The following MSRA variants were observed in gnomAD, a reference collection of about 807,000 sequenced individuals.
MSRA encodes the protein methionine sulfoxide reductase A.
In MSRA, 54 loss-of-function variants were observed where a neutral mutation model predicts 31.3. The ratio of observed to expected loss-of-function variants is 1.73; its 90% CI spans 1.39 to 2.17. The LOEUF is 2.17. Ranked by LOEUF, MSRA falls within the 30% of genes most tolerant of loss-of-function variation. The probability of loss-of-function intolerance (pLI) is 0.00; values close to 1 mark genes in which losing one functional copy is unlikely to be tolerated. For synonymous variants in MSRA, 169 were observed against 116.5 expected (o/e 1.45, Z -2.90); for missense variants, 507 against 300.9 (o/e 1.69, Z -5.07).
intron 3 of MSRA, among the ~76,000 whole-genome samples, chr8:10,273,132 C>T (rs1799133738): frequency 6.6e-6 from 1 of 152,146 alleles, no homozygotes; most frequent in African/African-American, 2.4e-5. Flanking sequence ...ATAAAATTAG[C>T]ATTCAGTAGG....
intron 3 of MSRA, among the ~76,000 whole-genome samples, chr8:10,260,393 A>T (rs1241553714): frequency 6.6e-6 from 1 of 152,216 alleles, no homozygotes; most frequent in Non-Finnish European, 1.5e-5. Context: ...GGGAAGGAGC[A>T]AAGTTTCCAC....
chr8:10,391,639 A>G (rs944604318), intron 5 of MSRA, among the ~76,000 whole-genome samples: 1 of 152,228 alleles, frequency 6.6e-6, no homozygotes, highest in Non-Finnish European at 1.5e-5. Context: ...TGGGCCACAC[A>G]CTGGCCATCT....
At chr8:10,171,856 T>C (rs1368388592) in intron 1 of MSRA, among the ~76,000 whole-genome samples, 1 of 152,254 alleles carries the variant, frequency 6.6e-6, no homozygotes, top group African/African-American at 2.4e-5. Context: ...ATTTCTGTTG[T>C]TTAGATTTGC....
At chr8:10,424,376 G>C (rs1809001304) in intron 5 of MSRA, among the ~76,000 whole-genome samples, 1 of 147,552 alleles carries the variant, frequency 6.8e-6, no homozygotes, top group African/African-American at 2.5e-5. Context: ...GAGAAGGCCC[G>C]GGGTGGAGTG....
intron 1 of MSRA, among the ~76,000 whole-genome samples, chr8:10,184,168 T>A (rs1585115933): frequency 6.6e-6 from 1 of 151,780 alleles, no homozygotes; most frequent in Non-Finnish European, 1.5e-5. Context: ...GATAGTGGTG[T>A]TATTGTTGAT....
At chr8:10,412,985 C>G (rs1284522451) in intron 5 of MSRA, among the ~76,000 whole-genome samples, 2 of 152,194 alleles carry the variant, frequency 1.3e-5, no homozygotes, top group African/African-American at 2.4e-5. Flanking sequence ...AGATTTTTAC[C>G]TACGAGAAAT....
intron 1 of MSRA, among the ~76,000 whole-genome samples, chr8:10,206,116 G>C (rs756528947): frequency 1.3e-5 from 2 of 152,114 alleles, no homozygotes; most frequent in Non-Finnish European, 2.9e-5. Context: ...TTTCTGACTT[G>C]TGATATGGGT....
At chr8:10,230,224 C>T (rs564966240) in intron 2 of MSRA, among the ~76,000 whole-genome samples, 12 of 152,146 alleles carry the variant, frequency 7.9e-5, no homozygotes, top group Non-Finnish European at 1.0e-4. Context: ...AGACTATGTA[C>T]GTGCCTGAGT....
chr8:10,287,279 A>T (rs898544525), intron 3 of MSRA, among the ~76,000 whole-genome samples: 2 of 152,198 alleles, frequency 1.3e-5, no homozygotes, highest in Non-Finnish European at 2.9e-5. Context: ...CTGGGCCCTG[A>T]ATGACCTGAA....
chr8:10,205,748 G>A (rs960703272), intron 1 of MSRA, among the ~76,000 whole-genome samples: 1 of 152,142 alleles, frequency 6.6e-6, no homozygotes, highest in Non-Finnish European at 1.5e-5. Flanking sequence ...TCATTTTTAT[G>A]TTCTTCTGCC....
chr8:10,389,350 T>G (rs1335056810), intron 5 of MSRA, among the ~76,000 whole-genome samples: 1 of 152,222 alleles, frequency 6.6e-6, no homozygotes, highest in Non-Finnish European at 1.5e-5. Context: ...GAAGCTTTGA[T>G]AAAACACTGC....
intron 1 of MSRA, among the ~76,000 whole-genome samples, chr8:10,092,806 T>G (rs1798923718): frequency 6.6e-6 from 1 of 152,224 alleles, no homozygotes; most frequent in Non-Finnish European, 1.5e-5. Context: ...CCAACTATCA[T>G]TGTTGAATTA....
At chr8:10,086,617 G>GT (rs2128925246) in intron 1 of MSRA, among the ~76,000 whole-genome samples, 2 of 152,340 alleles carry the variant, frequency 1.3e-5, no homozygotes, top group East Asian at 3.9e-4. Flanking sequence ...GAGTGAATGA[G>GT]TTAAAGAGTG....
chr8:10,140,331 C>A (rs1394623350), intron 1 of MSRA, among the ~76,000 whole-genome samples: 1 of 152,166 alleles, frequency 6.6e-6, no homozygotes, highest in Admixed American at 6.5e-5. Flanking sequence ...CATAGAGTAG[C>A]CTTCCTGCTT....
Position 10,054,703 on chromosome 8 carries a change from TGCGCGCCTTTGCCCGGCGGCA to T in MSRA, c.142+53_142+73del, listed in dbSNP as rs561158340. ...AAGGCGCGGGCGGCGACGCTGCGCA[TGCGCGCCTTTGCCCGGCGGCA>T]GCGCGCCCGCTGCCCGGAAGGAAGC... On this transcript the variant is annotated intron_variant, in intron 1 of 5. Transcript: ENST00000317173. The T allele has an allele frequency of 5.6e-3, 8,211 of 1,463,640 alleles. 26 individuals carry two copies. The highest frequency in any genetic ancestry group is 6.5e-3 in the Non-Finnish European group (7,120 of 1,098,482). 90.7% of individuals were successfully genotyped at this position (1,463,640 alleles called of 1,614,324 possible). A position where few individuals can be genotyped will look rare whatever the true frequency, so the allele number is the denominator to read the frequency against.
intron 1 of MSRA, among the ~76,000 whole-genome samples, chr8:10,085,862 G>A (rs1798534336): frequency 6.6e-6 from 1 of 152,130 alleles, no homozygotes; most frequent in Non-Finnish European, 1.5e-5. Context: ...TTCTCTGTAT[G>A]GGCTTTTCCA....
chr8:10,370,696 G>A (rs112940583), intron 5 of MSRA, among the ~76,000 whole-genome samples: 53 of 152,272 alleles, frequency 3.5e-4, no homozygotes, highest in African/African-American at 1.1e-3. Context: ...TCCAGGCCAC[G>A]TTACATACCT....
At chr8:10,413,568 G>A (rs1349810985) in intron 5 of MSRA, among the ~76,000 whole-genome samples, 4 of 151,104 alleles carry the variant, frequency 2.6e-5, no homozygotes, top group Non-Finnish European at 5.9e-5. Context: ...TGTTATAAAG[G>A]TGCACCAAGA....
chr8:10,081,454 C>A (rs1428198420), intron 1 of MSRA, among the ~76,000 whole-genome samples: 1 of 152,128 alleles, frequency 6.6e-6, no homozygotes, highest in Non-Finnish European at 1.5e-5. Context: ...GTTCGGGCAT[C>A]TCCAGATGCT....
Sources: gnomAD v4.1 joint callset for allele counts (sites outside exome capture counted in the v4.1 genomes callset) on GRCh38, gnomAD v4.1.1 for gene constraint, MANE v1.5 for transcripts, NCBI Gene and HGNC (gene_info 2026-07-23, HGNC 2026-07-21) for gene names.